The following BPIFB3 variants were observed in gnomAD, a reference collection of about 807,000 sequenced individuals.
BPIFB3 encodes BPI fold-containing family B member 3.
BPIFB3 carries 49 observed loss-of-function variants against 53.1 expected under a neutral mutation model. The ratio of observed to expected loss-of-function variants is 0.92; its 90% CI spans 0.73 to 1.17. The LOEUF (loss-of-function observed/expected upper bound fraction) is 1.17, where lower values mean the gene tolerates loss of function less well. Ranked by LOEUF, BPIFB3 falls within the 50% of genes most tolerant of loss-of-function variation. The pLI is 0.00. For synonymous variants in BPIFB3, 271 were observed against 269.6 expected, an observed-to-expected ratio of 1.01 and a Z score of -0.05; for missense variants, 628 against 592.5, an observed-to-expected ratio of 1.06 and a Z score of -0.62.
intron 4 of BPIFB3, among the ~76,000 whole-genome samples, chr20:33,060,965 C>T (rs1032937730): frequency 6.6e-6 from 1 of 152,242 alleles, no homozygotes; most frequent in African/African-American, 2.4e-5. Flanking sequence ...TGCGCTCTGG[C>T]TGGGTCCAAG....
chr20:33,072,085 C>T lies in BPIFB3; in HGVS notation c.1261-19C>T, dbSNP rs1227115626. The T allele has an allele frequency of 1.2e-6, 2 of 1,614,010 alleles. No individual in the cohort carries two copies. The highest frequency in any genetic ancestry group is 8.5e-7 in the Non-Finnish European group (1 of 1,179,898). Reference sequence around the variant, plus strand: ...CACCCCAGAGCACCACCCCCACCACCCTGTGTGTTCTGTTGCAGGGATCGC... The same window carrying T: ...CACCCCAGAGCACCACCCCCACCACTCTGTGTGTTCTGTTGCAGGGATCGC... On this transcript the variant is annotated intron_variant, in intron 12 of 14. Coordinates refer to ENST00000375494, the Ensembl canonical transcript of BPIFB3.
intron 8 of BPIFB3, 43 bp from the exon 10 acceptor site, chr20:33,066,781 C>T: frequency 1.3e-6 from 2 of 1,590,880 alleles, no homozygotes; most frequent in Non-Finnish European, 1.7e-6. Context: ...GATTCCTGTT[C>T]TGTCTCTGTG....
chr20:33,061,809 T>C (rs1216167731), exon 5 of BPIFB3: 1 of 1,614,182 alleles, frequency 6.2e-7, no homozygotes, highest in Admixed American at 1.7e-5. Context: ...GAACAGATGC[T>C]CTTCAAGGTG....
At chr20:33,061,874 T>TG (rs751716349) in intron 5 of BPIFB3, 43 bp downstream of exon 6, 2 of 1,603,492 alleles carry the variant, frequency 1.2e-6, no homozygotes, top group Non-Finnish European at 1.7e-6. Flanking sequence ...CTCCCAGGAC[T>TG]GGGCCTCTTT....
chr20:33,062,394 C>T (rs1980497242), intron 5 of BPIFB3, among the ~76,000 whole-genome samples: 1 of 152,152 alleles, frequency 6.6e-6, no homozygotes, highest in Non-Finnish European at 1.5e-5. Context: ...CCTGACCCCA[C>T]GGCCTAGCTG....
At chr20:33,063,292 C>T (rs1263899897) in intron 5 of BPIFB3, among the ~76,000 whole-genome samples, 2 of 152,170 alleles carry the variant, frequency 1.3e-5, no homozygotes, top group African/African-American at 4.8e-5. Flanking sequence ...CCGCTTTTGC[C>T]TCCTCAGGTG....
At chr20:33,063,568 C>G in intron 5 of BPIFB3, 47 bp from the exon 7 acceptor site, 1 of 1,596,642 alleles carries the variant, frequency 6.3e-7, no homozygotes, top group Non-Finnish European at 8.6e-7. Context: ...CAGCTGTCCT[C>G]GCAGTGAGCT....
chr20:33,054,942 C>T (rs1045240958), upstream of BPIFB3, among the ~76,000 whole-genome samples: 6 of 152,214 alleles, frequency 3.9e-5, no homozygotes, highest in African/African-American at 1.4e-4. Context: ...CTGAAACAGC[C>T]TCATGAGCCA....
intron 8 of BPIFB3, among the ~76,000 whole-genome samples, chr20:33,065,394 C>T (rs1423967389): frequency 6.6e-6 from 1 of 151,952 alleles, no homozygotes; most frequent in Non-Finnish European, 1.5e-5. Context: ...GCCTGTGGTC[C>T]CAGTTACTTG....
rs1305379918 is a variant in BPIFB3 at position 33,069,818 on chromosome 20, A to T, written c.1150-70A>T. On this transcript the variant is annotated intron_variant, in intron 10 of 14. Coordinates refer to ENST00000375494, the Ensembl canonical transcript of BPIFB3. ...AAGGGTTAGTGGACGGAACAGATGG[A>T]TGGAGGCAGACCCGTCCTCAAGCTC... The T allele has an allele frequency of 2.7e-6, 4 of 1,489,618 alleles. No homozygotes were observed. In the African/African-American group the frequency reaches 5.5e-5, roughly 21 times the overall value. 92.3% of individuals were successfully genotyped at this position (1,489,618 alleles called of 1,614,324 possible).
intron 1 of BPIFB3, 40 bp downstream of exon 2, chr20:33,055,587 A>G (rs1980165382): frequency 2.5e-6 from 4 of 1,611,872 alleles, no homozygotes; most frequent in African/African-American, 2.7e-5. Context: ...GGCTGCTGCA[A>G]TGTCAACGAC....
Position 33,061,654 on chromosome 20 carries a change from C to T in BPIFB3, c.528-114C>T, listed in dbSNP as rs1980462168. 2.9e-6 allele frequency: 3 copies of T among 1,036,346 alleles called. No homozygotes were observed. The Admixed American group carries it at 6.6e-5, about 23-fold the overall frequency. 64.2% of individuals were successfully genotyped at this position (1,036,346 alleles called of 1,614,324 possible). A position where few individuals can be genotyped will look rare whatever the true frequency, so the allele number is the denominator to read the frequency against. On this transcript the variant is annotated intron_variant, in intron 4 of 14. Transcript: ENST00000375494. The stretch of plus-strand genomic sequence containing the variant: ...GTCTCCAAAGCCGCAGTCAACACCA[C>T]CCCCAAGAGAAGGGAGAGGAGAAAT...
chr20:33,072,873 A>C, intron 14 of BPIFB3, 80 bp downstream of exon 15: 3 of 1,190,362 alleles, frequency 2.5e-6, no homozygotes, highest in Non-Finnish European at 3.7e-6. Context: ...AATGAGGGGA[A>C]TGCTTTGCTT....
intron 5 of BPIFB3, among the ~76,000 whole-genome samples, chr20:33,062,562 C>G (rs1659693443): frequency 1.3e-5 from 2 of 152,220 alleles, no homozygotes; most frequent in Admixed American, 1.3e-4. Context: ...AGGTTTCCAC[C>G]AGGGCATGAA....
At chr20:33,055,880 G>A (rs1980180935) in intron 1 of BPIFB3, among the ~76,000 whole-genome samples, 2 of 152,276 alleles carry the variant, frequency 1.3e-5, no homozygotes, top group South Asian at 4.2e-4. Flanking sequence ...CACATCACTA[G>A]GGTAAGGGAA....
At chr20:33,061,867 C>G (rs1033904979) in intron 5 of BPIFB3, 36 bp downstream of exon 6, 2 of 1,610,018 alleles carry the variant, frequency 1.2e-6, no homozygotes, top group Non-Finnish European at 1.7e-6. Flanking sequence ...ATGCCCTCTC[C>G]CAGGACTGGG....
At chr20:33,059,252 C>A in intron 2 of BPIFB3, 126 bp from the exon 4 acceptor site, 1 of 656,142 alleles carries the variant, frequency 1.5e-6, no homozygotes, top group Non-Finnish European at 2.7e-6. Flanking sequence ...AAGTGATGGG[C>A]CAAGGGCTCG....
upstream of BPIFB3, among the ~76,000 whole-genome samples, chr20:33,053,906 G>A (rs1980083154): frequency 6.6e-6 from 1 of 152,208 alleles, no homozygotes; most frequent in Admixed American, 6.5e-5. Flanking sequence ...CGCGTGGGTG[G>A]AGGAACCGAC....
At chr20:33,063,538 C>A in intron 5 of BPIFB3, 77 bp from the exon 7 acceptor site, 1 of 1,516,070 alleles carries the variant, frequency 6.6e-7, no homozygotes, top group Non-Finnish European at 9.2e-7. Context: ...CAGCAGATAG[C>A]AAAGCATTTA....
Sources: allele counts gnomAD v4.1 joint callset (sites outside exome capture counted in the v4.1 genomes callset), GRCh38; gene constraint gnomAD v4.1.1; transcripts MANE v1.5; gene names NCBI Gene and HGNC (gene_info 2026-07-23, HGNC 2026-07-21).